The following CLVS1 variants were observed in gnomAD, a reference collection of about 807,000 sequenced individuals.
CLVS1 encodes the protein clavesin 1.
A neutral mutation model predicts 33.1 loss-of-function variants in CLVS1; 10 were observed. The observed-to-expected ratio is 0.30, with a 90% CI of 0.19 to 0.51. CLVS1 has a LOEUF of 0.51. CLVS1 is among the 20% of genes least tolerant of loss of function. The pLI is 0.97. For missense variants in CLVS1, 343 were observed against 433.4 expected, an observed-to-expected ratio of 0.79 and a Z score of 1.85; for synonymous variants, 163 against 166.1, an observed-to-expected ratio of 0.98 and a Z score of 0.14.
intron 3 of CLVS1, among the ~76,000 whole-genome samples, chr8:61,400,274 C>T (rs1175594780): frequency 6.6e-6 from 1 of 151,824 alleles, no homozygotes; most frequent in East Asian, 1.9e-4. Flanking sequence ...GTATTCTTCG[C>T]ATTTCATTCT....
rs913430669 is a variant in CLVS1, at chr8:61,444,044, T to C, written c.631-10097T>C. 5.3e-5 allele frequency among the ~76,000 whole-genome samples: 8 copies of C among 152,286 alleles called. No individual in the cohort carries two copies. The South Asian group carries it at 1.7e-3, about 32-fold the overall frequency. ...GGTGTCTTCATATTTATTGTTGGTA[T>C]AGAGAAATATAATTTTTTTATATTT... On this transcript the variant is annotated intron_variant, in intron 3 of 5. Coordinates refer to ENST00000325897, the MANE Select transcript of CLVS1 (RefSeq NM_173519.3).
intron 5 of CLVS1, among the ~76,000 whole-genome samples, chr8:61,489,297 CT>C (rs1803988733): frequency 1.3e-5 from 2 of 152,136 alleles, no homozygotes. Flanking sequence ...TGTTTATGCC[CT>C]TTGGTTTCTT....
rs180778040 is a variant in CLVS1 at position 61,212,292 on chromosome 8, C to A, written c.-152+80432C>A. Among the ~76,000 whole-genome samples, 6 of 152,134 alleles carry A rather than the reference C, an allele frequency of 3.9e-5. No individual in the cohort carries two copies. The East Asian group carries it at 7.7e-4, about 20-fold the overall frequency. ...TGAACAGGGTTCAGAAGGAAGAGTG[C>A]GGATCAAACGGCAACAGAGGTAGGC... On this transcript the variant is annotated intron_variant, in intron 2 of 2. Coordinates refer to the CLVS1 transcript ENST00000522621.
chr8:61,014,085 G>GTTTTTTTTTTTTTTTTTTTTTTTTTT, the CLVS1 span, among the ~76,000 whole-genome samples: 1 of 126,818 alleles, frequency 7.9e-6, no homozygotes. Flanking sequence ...ACTTTTTAGT[G>GTTTTTTTTTTTTTTTTTTTTTTTTTT]TTTTTTTTTT....
At chr8:61,378,644 G>A (rs2129601608) in intron 3 of CLVS1, among the ~76,000 whole-genome samples, 1 of 152,270 alleles carries the variant, frequency 6.6e-6, no homozygotes, top group African/African-American at 2.4e-5. Context: ...TCAAGGATAG[G>A]GGCTCCACCA....
intron 3 of CLVS1, among the ~76,000 whole-genome samples, chr8:61,408,690 G>A (rs1242628700): frequency 1.3e-5 from 2 of 152,196 alleles, no homozygotes; most frequent in African/African-American, 2.4e-5. Context: ...GCAATTTATA[G>A]TCAAGGCCAG....
intron 2 of CLVS1, among the ~76,000 whole-genome samples, chr8:61,364,138 T>C (rs1257639919): frequency 6.6e-6 from 1 of 152,132 alleles, no homozygotes; most frequent in Non-Finnish European, 1.5e-5. Context: ...TTTAACCTGG[T>C]TTTGAAGGAT....
At chr8:61,389,411 C>T (rs983542261) in intron 3 of CLVS1, among the ~76,000 whole-genome samples, 1 of 152,052 alleles carries the variant, frequency 6.6e-6, no homozygotes, top group African/African-American at 2.4e-5. Context: ...TGTGGTGGCA[C>T]ATGCCTGTAG....
intron 2 of CLVS1, among the ~76,000 whole-genome samples, chr8:61,275,900 G>C (rs970281603): frequency 6.6e-6 from 1 of 152,108 alleles, no homozygotes; most frequent in Non-Finnish European, 1.5e-5. Context: ...ATTTCTTTAT[G>C]TCAACAGGAC....
chr8:61,001,247 G>A, the CLVS1 span, among the ~76,000 whole-genome samples: 1 of 152,016 alleles, frequency 6.6e-6, no homozygotes. Flanking sequence ...TCAGCCTTCC[G>A]AGTAGCTGGG....
chr8:61,009,367 C>T, the CLVS1 span, among the ~76,000 whole-genome samples: 3 of 152,098 alleles, frequency 2.0e-5, no homozygotes, highest in Admixed American at 6.5e-5. Flanking sequence ...AGGCTGGTCT[C>T]GAACTCCTGG....
At chr8:61,154,221 G>T (rs13251407) in intron 2 of CLVS1, among the ~76,000 whole-genome samples, 76,597 of 148,286 alleles carry the variant, frequency 0.52, 20,391 homozygotes, top group Middle Eastern at 0.72. Context: ...GTTTTTTTTT[G>T]TTTGTTTGTT....
intron 2 of CLVS1, among the ~76,000 whole-genome samples, chr8:61,281,480 G>A (rs1434115389): frequency 6.6e-6 from 1 of 152,202 alleles, no homozygotes; most frequent in Non-Finnish European, 1.5e-5. Context: ...TGAGGACACA[G>A]TAAGAAGGTA....
intron 3 of CLVS1, among the ~76,000 whole-genome samples, chr8:61,423,975 C>A (rs1352957880): frequency 6.6e-6 from 1 of 152,198 alleles, no homozygotes. Context: ...CATTTTATGA[C>A]ATTATTATTT....
the CLVS1 span, among the ~76,000 whole-genome samples, chr8:60,975,593 G>A: frequency 6.6e-6 from 1 of 152,126 alleles, no homozygotes; most frequent in Non-Finnish European, 1.5e-5. Context: ...GGCAGTATCT[G>A]GAGCTTCAAA....
At chr8:61,445,098 A>T (rs989417430) in intron 3 of CLVS1, among the ~76,000 whole-genome samples, 2 of 152,198 alleles carry the variant, frequency 1.3e-5, no homozygotes, top group African/African-American at 4.8e-5. Flanking sequence ...AATTACATTG[A>T]TTTCTATAAT....
At chr8:61,258,005 G>A (rs897385175) in intron 2 of CLVS1, among the ~76,000 whole-genome samples, 10 of 152,108 alleles carry the variant, frequency 6.6e-5, no homozygotes, top group Admixed American at 2.0e-4. Flanking sequence ...CCAGGAGCAG[G>A]GGGAAAGGCA....
intron 1 of CLVS1, among the ~76,000 whole-genome samples, chr8:61,106,444 G>A (rs1335925367): frequency 6.6e-6 from 1 of 152,220 alleles, no homozygotes; most frequent in African/African-American, 2.4e-5. Context: ...TTTGGAAGCT[G>A]GGACGGAAAA....
chr8:61,322,270 G>A (rs1254121679), intron 2 of CLVS1, among the ~76,000 whole-genome samples: 1 of 152,148 alleles, frequency 6.6e-6, no homozygotes, highest in African/African-American at 2.4e-5. Flanking sequence ...ATTCATTACA[G>A]GCATGTAGAA....
Sources: allele counts gnomAD v4.1 joint callset (sites outside exome capture counted in the v4.1 genomes callset), GRCh38; gene constraint gnomAD v4.1.1; transcripts MANE v1.5; gene names NCBI Gene and HGNC (gene_info 2026-07-23, HGNC 2026-07-21).